Variants in GABBR2 observed in about 807,000 individuals in gnomAD.
GABBR2 encodes the protein G-protein coupled receptor 51.
Under a neutral mutation model 105.6 loss-of-function variants are expected in GABBR2, and 23 were observed. The observed-to-expected ratio is 0.22, with a 90% CI of 0.16 to 0.31. The LOEUF is 0.31. GABBR2 is among the 10% of genes least tolerant of loss of function. The pLI, the probability that GABBR2 is intolerant of heterozygous loss-of-function variation, is 1.00. For synonymous variants in GABBR2, 478 were observed against 499.7 expected, an observed-to-expected ratio of 0.96 and a Z score of 0.58; for missense variants, 734 against 1,245.5, an observed-to-expected ratio of 0.59 and a Z score of 6.18.
At chr9:98,397,442 C>T (rs1832314184) in intron 8 of GABBR2, among the ~76,000 whole-genome samples, 1 of 152,168 alleles carries the variant, frequency 6.6e-6, no homozygotes, top group African/African-American at 2.4e-5. Context: ...TCAGATCTTG[C>T]ATGACTGTAT....
intron 1 of GABBR2, among the ~76,000 whole-genome samples, chr9:98,653,241 C>T (rs1830133948): frequency 6.6e-6 from 1 of 152,218 alleles, no homozygotes. Flanking sequence ...TCAAGTGATC[C>T]TCACACCTCG....
chr9:98,356,772 G>T (rs1057314189), intron 13 of GABBR2, among the ~76,000 whole-genome samples: 1 of 152,170 alleles, frequency 6.6e-6, no homozygotes, highest in African/African-American at 2.4e-5. Flanking sequence ...ATGCCCTTCG[G>T]TGGGTGAATG....
At chr9:98,661,145 T>C (rs1382028858) in intron 1 of GABBR2, among the ~76,000 whole-genome samples, 1 of 152,288 alleles carries the variant, frequency 6.6e-6, no homozygotes, top group South Asian at 2.1e-4. Context: ...TGACCTCAAG[T>C]GATCCACTCA....
intron 7 of GABBR2, among the ~76,000 whole-genome samples, chr9:98,430,058 G>A (rs888583376): frequency 6.6e-6 from 1 of 150,800 alleles, no homozygotes; most frequent in African/African-American, 2.4e-5. Context: ...AGGCCGAGGC[G>A]GGTGGATCAC....
chr9:98,613,884 T>C (rs1415447455), intron 1 of GABBR2, among the ~76,000 whole-genome samples: 2 of 152,088 alleles, frequency 1.3e-5, no homozygotes, highest in Non-Finnish European at 2.9e-5. Context: ...GCAAAAGCAT[T>C]AGGAAAATGT....
intron 2 of GABBR2, among the ~76,000 whole-genome samples, chr9:98,577,228 A>ATGGTTAGGCGAATGGAT (rs769775744): frequency 6.0e-5 from 9 of 151,086 alleles, no homozygotes; most frequent in African/African-American, 1.5e-4. Context: ...GGATGGATGG[A>ATGGTTAGGCGAATGGAT]GCAAAAAAGT....
chr9:98,622,033 A>G (rs1829677595), intron 1 of GABBR2, among the ~76,000 whole-genome samples: 1 of 152,206 alleles, frequency 6.6e-6, no homozygotes, highest in African/African-American at 2.4e-5. Flanking sequence ...CATCCCAACT[A>G]AAAATGCATT....
intron 1 of GABBR2, among the ~76,000 whole-genome samples, chr9:98,675,071 G>C (rs994393619): frequency 6.6e-6 from 1 of 152,198 alleles, no homozygotes; most frequent in East Asian, 1.9e-4. Context: ...GCCTCTTAGA[G>C]GGTCTAGGGA....
At chr9:98,357,648 A>G (rs1194042452) in intron 13 of GABBR2, among the ~76,000 whole-genome samples, 1 of 149,048 alleles carries the variant, frequency 6.7e-6, no homozygotes, top group Non-Finnish European at 1.5e-5. Context: ...TCTCAAAACA[A>G]AACAAAACAG....
chr9:98,321,693 C>A (rs1163276101), intron 13 of GABBR2, among the ~76,000 whole-genome samples: 7 of 152,172 alleles, frequency 4.6e-5, no homozygotes, highest in Admixed American at 3.9e-4. Context: ...TGAAGAGGAA[C>A]CTGGTCCCTC....
chr9:98,604,374 G>A lies in GABBR2; in HGVS notation c.322-26302C>T, dbSNP rs75459624. 1.7e-4 allele frequency among the ~76,000 whole-genome samples: 26 copies of A among 152,272 alleles called. No homozygotes were observed. In the South Asian group the frequency reaches 2.5e-3, roughly 15 times the overall value. On this transcript the variant is annotated intron_variant, in intron 1 of 18. Transcript: ENST00000259455. ...TGGAGTCACAGACTGCAGGTTCACC[G>A]AAGTTCTCAGTGTCTTGGTCTCTGC...
intron 1 of GABBR2, among the ~76,000 whole-genome samples, chr9:98,668,879 C>T (rs375213394): frequency 0.016 from 2,330 of 143,202 alleles, 62 homozygotes; most frequent in African/African-American, 0.057. Flanking sequence ...AATTATATTC[C>T]ATTTTGTGTG....
intron 7 of GABBR2, among the ~76,000 whole-genome samples, chr9:98,414,818 T>C (rs1038218094): frequency 2.6e-5 from 4 of 152,278 alleles, no homozygotes; most frequent in Admixed American, 6.5e-5. Flanking sequence ...TGATCCTTCA[T>C]GCTTCCCCGT....
At chr9:98,612,859 G>A (rs753462281) in intron 1 of GABBR2, among the ~76,000 whole-genome samples, 14 of 152,118 alleles carry the variant, frequency 9.2e-5, no homozygotes, top group African/African-American at 2.7e-4. Flanking sequence ...AAGTAAAGGC[G>A]GGGGCCAGAG....
intron 3 of GABBR2, among the ~76,000 whole-genome samples, chr9:98,511,158 G>A (rs2131696415): frequency 6.6e-6 from 1 of 152,088 alleles, no homozygotes; most frequent in Non-Finnish European, 1.5e-5. Flanking sequence ...AATGACTACT[G>A]GGTACATAAT....
chr9:98,469,622 G>A (rs1214988120), intron 6 of GABBR2, among the ~76,000 whole-genome samples: 1 of 152,186 alleles, frequency 6.6e-6, no homozygotes, highest in African/African-American at 2.4e-5. Context: ...CTTATCCTGA[G>A]AGCCTTAAGT....
At chr9:98,513,956 A>AC (rs1455467253) in intron 3 of GABBR2, among the ~76,000 whole-genome samples, 2 of 152,232 alleles carry the variant, frequency 1.3e-5, no homozygotes, top group Non-Finnish European at 2.9e-5. Flanking sequence ...ACACATGCAC[A>AC]CATGTGTTTA....
intron 13 of GABBR2, among the ~76,000 whole-genome samples, chr9:98,345,373 C>T (rs1831285376): frequency 6.6e-6 from 1 of 152,204 alleles, no homozygotes; most frequent in Non-Finnish European, 1.5e-5. Flanking sequence ...CTTAGCTCTG[C>T]CTGAGTCATC....
At chr9:98,343,582 G>A (rs963589654) in intron 13 of GABBR2, among the ~76,000 whole-genome samples, 18 of 152,276 alleles carry the variant, frequency 1.2e-4, no homozygotes, top group South Asian at 8.3e-4. Flanking sequence ...AATCCTGGCC[G>A]GGCGCGGTGG....
Sources: allele counts gnomAD v4.1 joint callset (sites outside exome capture counted in the v4.1 genomes callset), GRCh38; gene constraint gnomAD v4.1.1; transcripts MANE v1.5; gene names NCBI Gene and HGNC (gene_info 2026-07-23, HGNC 2026-07-21).